GRIK4: variants seen among roughly 807,000 people sequenced by gnomAD.
GRIK4 encodes the protein glutamate ionotropic receptor kainate type subunit 4, also known as glutamate receptor ionotropic, kainate 4.
In GRIK4, 40 loss-of-function variants were observed where a neutral mutation model predicts 104.9. The ratio of observed to expected loss-of-function variants is 0.38; its 90% CI spans 0.30 to 0.50. The LOEUF (loss-of-function observed/expected upper bound fraction) is 0.50, where lower values mean the gene tolerates loss of function less well. GRIK4 is among the 20% of genes least tolerant of loss of function. The pLI, the probability that GRIK4 is intolerant of heterozygous loss-of-function variation, is 0.93. For synonymous variants in GRIK4, 485 were observed against 524.9 expected (o/e 0.92, Z 1.04); for missense variants, 1,047 against 1,308.1 (o/e 0.80, Z 3.08).
intron 1 of GRIK4, among the ~76,000 whole-genome samples, chr11:120,633,498 G>A (rs1949356644): frequency 6.6e-6 from 1 of 152,224 alleles, no homozygotes; most frequent in African/African-American, 2.4e-5. Context: ...ACATTGTCAG[G>A]ACGTTGCTCT....
chr11:120,914,712 A>T (rs958471664), intron 13 of GRIK4, among the ~76,000 whole-genome samples: 3 of 152,166 alleles, frequency 2.0e-5, no homozygotes, highest in Non-Finnish European at 4.4e-5. Context: ...TTGGATCTTT[A>T]TAAACTATGT....
In GRIK4 at chr11:120,905,494, GTAAGGAGAGGACAAGTGATCTGGGCCTGA is replaced by G; in HGVS notation, c.1476+2_1476+30del. On this transcript the variant is annotated splice_donor_variant and splice_donor_5th_base_variant and intron_variant, in intron 13 of 20. Transcript: ENST00000527524. LOFTEE classifies it high-confidence loss of function. The surrounding 1 kb of genome is among the most constrained non-coding windows in gnomAD (Gnocchi z 5.1). ...AATGGTCGGGGAGCTGATCGCTAGG[GTAAGGAGAGGACAAGTGATCTGGGCCTGA>G]GGGTGGGCTGGGAGGGATTGGAAGA... 1 of 995,870 alleles carries G rather than the reference GTAAGGAGAGGACAAGTGATCTGGGCCTGA, an allele frequency of 1.0e-6. No individual in the cohort carries two copies. 61.7% of individuals were successfully genotyped at this position (995,870 alleles called of 1,614,324 possible).
chr11:120,566,708 T>A, intron 1 of GRIK4, among the ~76,000 whole-genome samples: 1 of 80,768 alleles, frequency 1.2e-5, no homozygotes, highest in African/African-American at 3.0e-5. Context: ...TACCCTCAGT[T>A]TTTTTTTTTT....
chr11:120,567,316 C>T (rs773607827), intron 1 of GRIK4, among the ~76,000 whole-genome samples: 21 of 151,950 alleles, frequency 1.4e-4, no homozygotes, highest in African/African-American at 4.1e-4. Flanking sequence ...TGTGCCACTA[C>T]GCCCAGCTAA....
rs539024273 is a variant in GRIK4, at chr11:120,582,467, C to G, written c.-159+70580C>G. Among the ~76,000 whole-genome samples the G allele has an allele frequency of 1.8e-4, 27 of 152,194 alleles. 1 individual carries two copies. The South Asian group carries it at 3.7e-3, about 21-fold the overall frequency. On this transcript the variant is annotated intron_variant, in intron 1 of 20. Coordinates refer to ENST00000527524, the MANE Select transcript of GRIK4 (RefSeq NM_014619.5). ...TTTAGTCTTCTCCCTCCTCTCACCC[C>G]CTGCCCTCGAGTAGGCTTTGCTGTC...
chr11:120,545,585 C>T (rs1948078365), intron 1 of GRIK4, among the ~76,000 whole-genome samples: 1 of 152,184 alleles, frequency 6.6e-6, no homozygotes, highest in African/African-American at 2.4e-5. Flanking sequence ...AGTAACTTGG[C>T]AGAGGTCACA....
At chr11:120,532,171 C>T (rs1947930439) in intron 1 of GRIK4, among the ~76,000 whole-genome samples, 1 of 152,134 alleles carries the variant, frequency 6.6e-6, no homozygotes, top group Admixed American at 6.5e-5. Context: ...TTGCATGGTC[C>T]CGATTTGACC....
chr11:120,980,864 A>C (rs1219776035), intron 19 of GRIK4, among the ~76,000 whole-genome samples: 1 of 152,200 alleles, frequency 6.6e-6, no homozygotes, highest in Non-Finnish European at 1.5e-5. Flanking sequence ...AACAAAAGTC[A>C]GACATCCACT....
Position 120,549,698 on chromosome 11 carries a change from G to T in GRIK4, c.-159+37811G>T, listed in dbSNP as rs1475776417. Among the ~76,000 whole-genome samples, 3 of 152,196 alleles carry T rather than the reference G, an allele frequency of 2.0e-5. No individual in the cohort carries two copies. The highest frequency in any genetic ancestry group is 6.5e-5 in the Admixed American group (1 of 15,286). On this transcript the variant is annotated intron_variant, in intron 1 of 20. Transcript: ENST00000527524. This position sits in a 1 kb window ranked among gnomAD's most constrained non-coding sequence, Gnocchi z 4.7. ...CTGAGGGCGGGTCGTGGGCCCCTGG[G>T]AGATCTGGGGTGCAGAGAAGGAGTG...
intron 3 of GRIK4, among the ~76,000 whole-genome samples, chr11:120,699,450 T>A (rs1247651374): frequency 1.3e-5 from 2 of 152,166 alleles, no homozygotes; most frequent in Non-Finnish European, 2.9e-5. Context: ...GACCAGGTAC[T>A]GTTCTAGGCA....
chr11:120,548,361 T>G (rs537351313), intron 1 of GRIK4, among the ~76,000 whole-genome samples: 2 of 152,064 alleles, frequency 1.3e-5, no homozygotes, highest in East Asian at 3.9e-4. Context: ...CGAAGTAGAT[T>G]GTGCAAGTGG....
intron 19 of GRIK4, among the ~76,000 whole-genome samples, chr11:120,981,576 T>G (rs1944653030): frequency 6.6e-6 from 1 of 152,214 alleles, no homozygotes; most frequent in Admixed American, 6.5e-5. Flanking sequence ...AACCACTCGT[T>G]TGGTGGGATA....
At chr11:120,668,232 CAGAG>C (rs1446712102) in intron 3 of GRIK4, among the ~76,000 whole-genome samples, 1 of 140,652 alleles carries the variant, frequency 7.1e-6, no homozygotes, top group South Asian at 2.2e-4. Flanking sequence ...GGTAGGCAGA[CAGAG>C]AGATAGGTAG....
chr11:120,707,804 G>C (rs1294963960), intron 3 of GRIK4, among the ~76,000 whole-genome samples: 1 of 152,154 alleles, frequency 6.6e-6, no homozygotes, highest in East Asian at 1.9e-4. Flanking sequence ...AGAACTGAGG[G>C]TCAGGGGTCT....
At chr11:120,810,771 G>T (rs998405849) in intron 4 of GRIK4, among the ~76,000 whole-genome samples, 2 of 151,926 alleles carry the variant, frequency 1.3e-5, no homozygotes, top group Non-Finnish European at 2.9e-5. Context: ...AAATAGCATC[G>T]AGCCTAATTA....
At chr11:120,925,249 A>G (rs1943317944) in intron 13 of GRIK4, among the ~76,000 whole-genome samples, 1 of 152,186 alleles carries the variant, frequency 6.6e-6, no homozygotes, top group Admixed American at 6.5e-5. Flanking sequence ...GAATCTCACC[A>G]TTCCTAATTA....
chr11:120,819,422 C>T lies in GRIK4; in HGVS notation c.346-333C>T, dbSNP rs1004878153. Among the ~76,000 whole-genome samples, 5 of 152,226 alleles carry T rather than the reference C, an allele frequency of 3.3e-5. No homozygotes were observed. The highest frequency in any genetic ancestry group is 7.3e-5 in the Non-Finnish European group (5 of 68,042). The stretch of plus-strand genomic sequence containing the variant: ...CTTTCAAGAGCCAACTGTCTCTCTG[C>T]CAGCAGCAGGCAGTTCCTCTAAGAA... On this transcript the variant is annotated intron_variant, in intron 5 of 20. Coordinates refer to ENST00000527524, the MANE Select transcript of GRIK4 (RefSeq NM_014619.5). This position sits in a 1 kb window ranked among gnomAD's most constrained non-coding sequence, Gnocchi z 4.3.
intron 1 of GRIK4, among the ~76,000 whole-genome samples, chr11:120,528,741 A>G (rs1947890739): frequency 6.6e-6 from 1 of 152,218 alleles, no homozygotes; most frequent in Non-Finnish European, 1.5e-5. Flanking sequence ...ACTGCCCCTC[A>G]TAAAACCATC....
At chr11:120,966,914 G>A (rs1944393374) in intron 18 of GRIK4, among the ~76,000 whole-genome samples, 1 of 152,210 alleles carries the variant, frequency 6.6e-6, no homozygotes, top group East Asian at 1.9e-4. Context: ...CCATCTTGGG[G>A]TGTTTGGCCA....
Sources: gnomAD v4.1 joint callset for allele counts (sites outside exome capture counted in the v4.1 genomes callset) on GRCh38, gnomAD v4.1.1 for gene constraint, Gnocchi (gnomAD v3.1) non-coding constraint, MANE v1.5 for transcripts, NCBI Gene and HGNC (gene_info 2026-07-23, HGNC 2026-07-21) for gene names.